The following RPH3AL variants were observed in gnomAD, a reference collection of about 807,000 sequenced individuals.
The protein encoded by RPH3AL is rab effector Noc2.
In RPH3AL, 38 loss-of-function variants were observed where a neutral mutation model predicts 43.1. The observed-to-expected ratio is 0.88, with a 90% CI of 0.68 to 1.15. The LOEUF is 1.15. RPH3AL is among the 50% of genes most tolerant of loss of function. The probability of loss-of-function intolerance (pLI) is 0.00; values close to 1 mark genes in which losing one functional copy is unlikely to be tolerated. For missense variants in RPH3AL, 462 were observed against 423.2 expected (o/e 1.09, Z -0.81); for synonymous variants, 189 against 176.3 (o/e 1.07, Z -0.57).
intron 6 of RPH3AL, among the ~76,000 whole-genome samples, chr17:265,689 CACAAACAACATCTGAAAAGGGA>C (rs2042303915): frequency 6.6e-6 from 1 of 152,210 alleles, no homozygotes; most frequent in Non-Finnish European, 1.5e-5. Context: ...TGGAAAATGA[CACAAACAACATCTGAAAAGGGA>C]GTCAGTGGAT....
chr17:217,137 T>TC (rs2040825668), intron 8 of RPH3AL, among the ~76,000 whole-genome samples: 1 of 143,186 alleles, frequency 7.0e-6, no homozygotes, highest in Non-Finnish European at 1.5e-5. Flanking sequence ...CCAAGGCATT[T>TC]AGTTCCCATC....
intron 6 of RPH3AL, among the ~76,000 whole-genome samples, chr17:272,122 A>C (rs2042479041): frequency 1.3e-5 from 2 of 152,214 alleles, no homozygotes; most frequent in South Asian, 4.1e-4. Flanking sequence ...GCTGGAGAGG[A>C]TGTGGAGAAA....
At chr17:331,319 G>A in intron 2 of RPH3AL, 1 of 316,800 alleles carries the variant, frequency 3.2e-6, no homozygotes, top group Non-Finnish European at 6.2e-6. Flanking sequence ...GATCAAGGGA[G>A]ACGGAAGGAT....
At chr17:243,572 C>CTGATTACCCTTCCTCTAT (rs1173989146) in intron 7 of RPH3AL, among the ~76,000 whole-genome samples, 5 of 120,372 alleles carry the variant, frequency 4.2e-5, no homozygotes, top group Non-Finnish European at 8.4e-5. Flanking sequence ...CCCTCCTCTA[C>CTGATTACCCTTCCTCTAT]TGATTACCCT....
intron 6 of RPH3AL, among the ~76,000 whole-genome samples, chr17:266,274 A>G (rs1412796864): frequency 2.7e-5 from 4 of 149,954 alleles, no homozygotes; most frequent in African/African-American, 9.9e-5. Flanking sequence ...GAAAGCCCCC[A>G]TCATCCCTGT....
intron 5 of RPH3AL, among the ~76,000 whole-genome samples, chr17:314,371 C>G (rs549954774): frequency 6.8e-6 from 1 of 147,698 alleles, no homozygotes; most frequent in South Asian, 2.1e-4. Flanking sequence ...AGTCACTGCC[C>G]GAGTCCTGCA....
intron 6 of RPH3AL, among the ~76,000 whole-genome samples, chr17:252,388 T>C (rs7208985): frequency 0.6 from 91,047 of 152,102 alleles, 27,710 homozygotes; most frequent in African/African-American, 0.72. Context: ...GACGCCCTGC[T>C]GACCATGGCG....
chr17:247,428 A>G (rs1300120155), intron 6 of RPH3AL, 143 bp from the exon 7 acceptor site: 13 of 783,344 alleles, frequency 1.7e-5, no homozygotes, highest in Non-Finnish European at 2.6e-5. Flanking sequence ...TCCCTGGCTG[A>G]TGGGCTGGGC....
chr17:216,722 A>G (rs932775246), intron 8 of RPH3AL, among the ~76,000 whole-genome samples: 23 of 152,330 alleles, frequency 1.5e-4, no homozygotes, highest in African/African-American at 5.5e-4. Context: ...TCACTGGTCC[A>G]GGGACAGTTT....
rs575707539 is a variant in RPH3AL, at chr17:225,447, C to T, written c.614-5711G>A. 2.0e-5 allele frequency among the ~76,000 whole-genome samples: 3 copies of T among 152,268 alleles called. No homozygotes were observed. Among genetic ancestry groups the T allele is most frequent in the South Asian group, 4.2e-4 (2 of 4,812 alleles). ...TAAGCATTTCTGTAGTTTTGACTCACTGATGAGATGCCAACCTCATGGGTC... is the reference window on the plus strand; with the variant it reads ...TAAGCATTTCTGTAGTTTTGACTCATTGATGAGATGCCAACCTCATGGGTC... On this transcript the variant is annotated intron_variant, in intron 7 of 9. Transcript: ENST00000331302. This position sits in a 1 kb window ranked among gnomAD's most constrained non-coding sequence, Gnocchi z 4.4.
intron 6 of RPH3AL, among the ~76,000 whole-genome samples, chr17:271,837 G>C (rs1288851817): frequency 6.6e-6 from 1 of 152,184 alleles, no homozygotes; most frequent in African/African-American, 2.4e-5. Flanking sequence ...GGGCATCCCT[G>C]TCTTGTGCCA....
Position 231,639 on chromosome 17 carries a change from G to A in RPH3AL, c.614-11903C>T, listed in dbSNP as rs77515677. ...TGGAGATGGACGTGCTTCACTGCAC[G>A]AGGCAGAGGCTAGCATGGGCCAGGC... On this transcript the variant is annotated intron_variant, in intron 7 of 9. Coordinates refer to ENST00000331302, the MANE Select transcript of RPH3AL (RefSeq NM_006987.4). 9.9e-3 allele frequency among the ~76,000 whole-genome samples: 1,511 copies of A among 152,284 alleles called. 24 individuals are homozygous for A. The highest frequency in any genetic ancestry group is 0.034 in the African/African-American group (1,418 of 41,548).
chr17:330,994 G>A (rs2044740050), intron 2 of RPH3AL: 1 of 152,148 alleles, frequency 6.6e-6, no homozygotes, highest in Non-Finnish European at 1.5e-5. Flanking sequence ...CAGAGCTTGA[G>A]ACAGGCCGGA....
At chr17:266,683 T>C (rs2042333993) in intron 6 of RPH3AL, among the ~76,000 whole-genome samples, 1 of 152,252 alleles carries the variant, frequency 6.6e-6, no homozygotes. Flanking sequence ...GGCAGGCAAC[T>C]GCCAGCACAG....
chr17:214,287 TC>T (rs1274723386), intron 9 of RPH3AL, among the ~76,000 whole-genome samples: 3 of 152,116 alleles, frequency 2.0e-5, no homozygotes, highest in Non-Finnish European at 2.9e-5. Context: ...CCACACAGCT[TC>T]CCCCTTTATC....
chr17:290,572 G>A lies in RPH3AL; in HGVS notation c.352-8718C>T, dbSNP rs757056145. Among the ~76,000 whole-genome samples the A allele has an allele frequency of 1.3e-5, 2 of 152,046 alleles. No homozygotes were observed. The highest frequency in any genetic ancestry group is 6.5e-5 in the Admixed American group (1 of 15,272). On this transcript the variant is annotated intron_variant, in intron 5 of 9. Transcript: ENST00000331302. The surrounding 1 kb of genome is among the most constrained non-coding windows in gnomAD (Gnocchi z 4.2). Reference sequence around the variant, plus strand: ...ACATTTCTGCTTCCTGCGACTCCCCGTCCCACCCCTTCTCCTTCCCAGATG... The same window carrying A: ...ACATTTCTGCTTCCTGCGACTCCCCATCCCACCCCTTCTCCTTCCCAGATG...
chr17:230,552 T>C (rs2041207722), intron 7 of RPH3AL, among the ~76,000 whole-genome samples: 1 of 152,150 alleles, frequency 6.6e-6, no homozygotes. Flanking sequence ...GGCCAGGCAG[T>C]GGACTCCTCT....
chr17:331,689 G>C, intron 2 of RPH3AL: 1 of 1,287,738 alleles, frequency 7.8e-7, no homozygotes, highest in East Asian at 5.6e-5. Context: ...CTCATCAGCC[G>C]ACCCCCATGC....
intron 3 of RPH3AL, among the ~76,000 whole-genome samples, chr17:324,073 G>T (rs1191544979): frequency 6.6e-6 from 1 of 152,182 alleles, no homozygotes; most frequent in Admixed American, 6.5e-5. Flanking sequence ...GGCGAGGCAG[G>T]CCCGGACCCT....
Sources: allele counts gnomAD v4.1 joint callset (sites outside exome capture counted in the v4.1 genomes callset), GRCh38; gene constraint gnomAD v4.1.1; non-coding constraint Gnocchi (gnomAD v3.1); transcripts MANE v1.5; gene names NCBI Gene and HGNC (gene_info 2026-07-23, HGNC 2026-07-21).